Variants in FRMPD1 observed in about 807,000 individuals in gnomAD.
FRMPD1 encodes FERM and PDZ domain containing 1.
Under a neutral mutation model 117.8 loss-of-function variants are expected in FRMPD1, and 76 were observed. That is an observed-to-expected ratio of 0.65 (90% CI 0.54 to 0.78). The LOEUF is 0.78. Ranked by LOEUF, FRMPD1 falls within the 30% of genes least tolerant of loss-of-function variation. The pLI is 0.00. For missense variants in FRMPD1, 1,786 were observed against 1,964.5 expected (o/e 0.91, Z 1.72); for synonymous variants, 783 against 770.4 (o/e 1.02, Z -0.27).
intron 1 of FRMPD1, among the ~76,000 whole-genome samples, chr9:37,652,317 T>TC (rs1820700076): frequency 6.6e-6 from 1 of 152,206 alleles, no homozygotes; most frequent in Non-Finnish European, 1.5e-5. Context: ...GGAGCCAAGT[T>TC]CATCTTTTCC....
At chr9:37,637,305 A>G in the FRMPD1 span, 2 of 1,327,224 alleles carry the variant, frequency 1.5e-6, no homozygotes, top group Admixed American at 3.4e-5. Context: ...GCGGCGGCGG[A>G]AGCCCGCTCA....
At chr9:37,666,013 T>C (rs2057643) in intron 1 of FRMPD1, among the ~76,000 whole-genome samples, 41,712 of 152,088 alleles carry the variant, frequency 0.27, 7,853 homozygotes, top group African/African-American at 0.52. Flanking sequence ...CCTTTTGCCA[T>C]ACATCTCCAA....
upstream of FRMPD1, among the ~76,000 whole-genome samples, chr9:37,646,804 TC>T (rs1452765653): frequency 2.6e-5 from 4 of 152,170 alleles, no homozygotes; most frequent in East Asian, 7.7e-4. Context: ...AGTTAGGCAT[TC>T]TAAGAAGGAA....
At chr9:37,649,057 G>A (rs1375445066), upstream of FRMPD1, among the ~76,000 whole-genome samples, 1 of 152,106 alleles carries the variant, frequency 6.6e-6, no homozygotes, top group Non-Finnish European at 1.5e-5. Flanking sequence ...CACCTAGAGA[G>A]GCTGACACTG....
intron 7 of FRMPD1, among the ~76,000 whole-genome samples, chr9:37,725,248 G>A (rs951967084): frequency 2.0e-5 from 3 of 152,176 alleles, no homozygotes; most frequent in Non-Finnish European, 4.4e-5. Context: ...TCTTGAACAA[G>A]GGAGTAAATA....
the FRMPD1 span, among the ~76,000 whole-genome samples, chr9:37,634,764 C>T: frequency 8.9e-3 from 1,281 of 143,490 alleles, 17 homozygotes; most frequent in African/African-American, 0.032. Flanking sequence ...TTTTCTTCTT[C>T]TTTTTTTTTT....
intron 1 of FRMPD1, among the ~76,000 whole-genome samples, chr9:37,665,350 CAATT>C (rs1461803404): frequency 1.3e-5 from 2 of 152,154 alleles, no homozygotes; most frequent in African/African-American, 2.4e-5. Flanking sequence ...AAATAAGTGA[CAATT>C]AAGAAAAAGA....
At chr9:37,683,532 G>C (rs747442768) in intron 1 of FRMPD1, among the ~76,000 whole-genome samples, 7 of 152,206 alleles carry the variant, frequency 4.6e-5, no homozygotes, top group Non-Finnish European at 1.0e-4. Flanking sequence ...AGTGTGAGTA[G>C]GAATTTGATG....
chr9:37,729,760 C>T lies in FRMPD1; in HGVS notation c.645C>T (p.Ser215=), dbSNP rs1421388470. Residue 215 remains serine, a synonymous_variant, in exon 8 of 16, where the codon TCC becomes TCT. Transcript: ENST00000377765. ...DIILTVKEKL[S]IRSIEYFALA... ...TCCTCACCGTGAAGGAGAAGCTGTCCATCCGAAGTATCGAGTACTTTGCAC... is the reference window on the plus strand; with the variant it reads ...TCCTCACCGTGAAGGAGAAGCTGTCTATCCGAAGTATCGAGTACTTTGCAC... 4 of 1,613,846 alleles carry T rather than the reference C, an allele frequency of 2.5e-6. No homozygotes were observed. Among genetic ancestry groups the T allele is most frequent in the Non-Finnish European group, 3.4e-6 (4 of 1,179,874 alleles).
chr9:37,737,205 GAAAC>G lies in FRMPD1; in HGVS notation c.1518_1521del (p.Lys506AsnfsTer39). ...GTTACCTCCATTTTCCTCTGGCCTG[GAAAC>G]AAACAACAAGCGCACCGGGTATCTG... is the stretch of plus-strand genomic sequence containing the variant. On this transcript the variant is annotated frameshift_variant, in exon 14 of 16. Coordinates refer to ENST00000377765, the MANE Select transcript of FRMPD1 (RefSeq NM_014907.3). LOFTEE classifies it high-confidence loss of function. The G allele has an allele frequency of 1.2e-6, 2 of 1,614,112 alleles. No homozygotes were observed. The highest frequency in any genetic ancestry group is 2.2e-5 in the South Asian group (2 of 91,070).
chr9:37,641,452 C>A, the FRMPD1 span, among the ~76,000 whole-genome samples: 11 of 152,170 alleles, frequency 7.2e-5, no homozygotes, highest in Non-Finnish European at 1.6e-4. Context: ...TCAGTATTAT[C>A]TGTGTGTTAA....
intron 1 of FRMPD1, among the ~76,000 whole-genome samples, chr9:37,659,216 A>C (rs536589218): frequency 3.1e-4 from 47 of 152,098 alleles, no homozygotes; most frequent in African/African-American, 1.1e-3. Context: ...TTGGCTCTCT[A>C]CTTTCTCTAC....
chr9:37,657,495 A>G (rs1209474504), intron 1 of FRMPD1, among the ~76,000 whole-genome samples: 1 of 152,194 alleles, frequency 6.6e-6, no homozygotes, highest in Non-Finnish European at 1.5e-5. Flanking sequence ...CAGACTGTCC[A>G]GGGCTCCCCT....
At chr9:37,677,282 G>T (rs1006900099) in intron 1 of FRMPD1, among the ~76,000 whole-genome samples, 3 of 152,212 alleles carry the variant, frequency 2.0e-5, no homozygotes, top group African/African-American at 7.2e-5. Flanking sequence ...TTGTGCTGTG[G>T]TGGTGGTTGT....
chr9:37,720,454 G>A (rs1295231936), intron 6 of FRMPD1, among the ~76,000 whole-genome samples: 7 of 152,178 alleles, frequency 4.6e-5, no homozygotes, highest in African/African-American at 1.7e-4. Flanking sequence ...CACAAGGTCA[G>A]AAGATCGAGA....
the FRMPD1 span, among the ~76,000 whole-genome samples, chr9:37,642,425 C>T: frequency 3.3e-5 from 5 of 152,086 alleles, no homozygotes; most frequent in Non-Finnish European, 7.4e-5. Flanking sequence ...TAGTTTCTTT[C>T]ACTAGATTTC....
intron 6 of FRMPD1, 42 bp from the exon 7 acceptor site, chr9:37,724,183 T>C: frequency 9.7e-7 from 1 of 1,030,192 alleles, no homozygotes; most frequent in East Asian, 2.4e-5. Context: ...CCAGAAGGAA[T>C]AAAAAAAGAC....
intron 1 of FRMPD1, among the ~76,000 whole-genome samples, chr9:37,674,179 T>A (rs7035010): frequency 2.0e-5 from 3 of 152,068 alleles, no homozygotes; most frequent in Non-Finnish European, 2.9e-5. Context: ...TTGAATGCTT[T>A]GCTGCTTAAA....
the FRMPD1 span, among the ~76,000 whole-genome samples, chr9:37,632,008 G>C: frequency 6.6e-6 from 1 of 151,962 alleles, no homozygotes; most frequent in Non-Finnish European, 1.5e-5. Flanking sequence ...TACATATACT[G>C]GTCATAAAAA....
Sources: gnomAD v4.1 joint callset for allele counts (sites outside exome capture counted in the v4.1 genomes callset) on GRCh38, gnomAD v4.1.1 for gene constraint, MANE v1.5 for transcripts, NCBI Gene and HGNC (gene_info 2026-07-23, HGNC 2026-07-21) for gene names.